RAB8B: variants seen among roughly 807,000 people sequenced by gnomAD.
RAB8B encodes ras-related protein Rab-8B.
Under a neutral mutation model 32.0 loss-of-function variants are expected in RAB8B, and 11 were observed. That is an observed-to-expected ratio of 0.34 (90% CI 0.22 to 0.57). RAB8B has a LOEUF of 0.57. RAB8B is among the 20% of genes least tolerant of loss of function. The pLI is 0.86. For synonymous variants in RAB8B, 103 were observed against 89.6 expected (o/e 1.15, Z -0.85); for missense variants, 190 against 258.5 (o/e 0.73, Z 1.82).
At chr15:63,195,087 A>T (rs545446482) in intron 1 of RAB8B, among the ~76,000 whole-genome samples, 127 of 152,326 alleles carry the variant, frequency 8.3e-4, no homozygotes, top group Middle Eastern at 3.4e-3. Flanking sequence ...TTTCATTTTC[A>T]TAGTTGTTTT....
intron 2 of RAB8B, among the ~76,000 whole-genome samples, chr15:63,245,822 T>G (rs2038066198): frequency 6.6e-6 from 1 of 152,242 alleles, no homozygotes; most frequent in South Asian, 2.1e-4. Context: ...TCATTTATGT[T>G]TCATATACAG....
chr15:63,238,058 A>G (rs1440172835), intron 1 of RAB8B, among the ~76,000 whole-genome samples: 3 of 151,804 alleles, frequency 2.0e-5, no homozygotes, highest in Non-Finnish European at 4.4e-5. Context: ...ATATAGATTT[A>G]TCTCTGGGTT....
intron 1 of RAB8B, among the ~76,000 whole-genome samples, chr15:63,207,402 C>T (rs569288999): frequency 6.6e-6 from 1 of 152,256 alleles, no homozygotes; most frequent in Admixed American, 6.5e-5. Context: ...CTCTCAGACT[C>T]CTCTGTGTGC....
At chr15:63,199,688 T>C (rs1442630616) in intron 1 of RAB8B, among the ~76,000 whole-genome samples, 1 of 152,158 alleles carries the variant, frequency 6.6e-6, no homozygotes, top group East Asian at 1.9e-4. Flanking sequence ...TGTGGGCTTT[T>C]TTTGAGACTT....
intron 1 of RAB8B, among the ~76,000 whole-genome samples, chr15:63,240,865 T>A (rs912997694): frequency 6.8e-6 from 1 of 146,354 alleles, no homozygotes; most frequent in Non-Finnish European, 1.5e-5. Flanking sequence ...TTTAAATGAA[T>A]GGAGAGTGAG....
chr15:63,231,840 T>G (rs1351648050), intron 1 of RAB8B, among the ~76,000 whole-genome samples: 1 of 152,202 alleles, frequency 6.6e-6, no homozygotes, highest in Non-Finnish European at 1.5e-5. Context: ...GAAAAGAGAC[T>G]TTATTGAAGG....
chr15:63,213,908 C>G (rs2037768552), intron 1 of RAB8B, among the ~76,000 whole-genome samples: 1 of 152,104 alleles, frequency 6.6e-6, no homozygotes, highest in African/African-American at 2.4e-5. Flanking sequence ...TGGTGAAACC[C>G]CTACTCTAAT....
At chr15:63,233,947 T>C (rs549148280) in intron 1 of RAB8B, among the ~76,000 whole-genome samples, 40 of 152,206 alleles carry the variant, frequency 2.6e-4, no homozygotes, top group Non-Finnish European at 4.9e-4. Flanking sequence ...TTATGATTCA[T>C]TGAAAGGCTG....
Position 63,237,847 on chromosome 15 carries a change from T to C in RAB8B, c.125-6909T>C, listed in dbSNP as rs764025055. ...GGAGAGTTTCCCCAATGTTTTCTTTTAGTAGTTTCATAGTTTGAAGTCTTA... is the reference window on the plus strand; with the variant it reads ...GGAGAGTTTCCCCAATGTTTTCTTTCAGTAGTTTCATAGTTTGAAGTCTTA... On this transcript the variant is annotated intron_variant, in intron 1 of 7. Coordinates refer to ENST00000321437, the MANE Select transcript of RAB8B (RefSeq NM_016530.3). 3.9e-5 allele frequency among the ~76,000 whole-genome samples: 6 copies of C among 152,338 alleles called. No homozygotes were observed. In the East Asian group the frequency reaches 7.7e-4, roughly 20 times the overall value.
At chr15:63,227,572 T>G (rs1045363952) in intron 1 of RAB8B, among the ~76,000 whole-genome samples, 11 of 152,230 alleles carry the variant, frequency 7.2e-5, no homozygotes, top group Admixed American at 2.0e-4. Flanking sequence ...CAATTTTGTT[T>G]TATTTAGTTT....
rs1327118174 is a variant in RAB8B at position 63,259,292 on chromosome 15, TG to T, written c.415-334del. Among the ~76,000 whole-genome samples, 1 of 151,878 alleles carries T rather than the reference TG, an allele frequency of 6.6e-6. No homozygotes were observed. Among genetic ancestry groups the T allele is most frequent in the African/African-American group, 2.4e-5 (1 of 41,336 alleles). ...GTGCCACCACGCCCGGCTAATTTTT[TG>T]TATTTTTAGTAGAGGCGGGGTTTCA... On this transcript the variant is annotated intron_variant, in intron 5 of 7. Coordinates refer to ENST00000321437, the MANE Select transcript of RAB8B (RefSeq NM_016530.3). This position sits in a 1 kb window ranked among gnomAD's most constrained non-coding sequence, Gnocchi z 4.4.
At position 63,255,488 on chromosome 15, in the gene RAB8B, A is replaced by T. The variant is rs200643135; in HGVS notation, c.247-19A>T. ...TAAATATATAAAGTACTAAATAAAGATATTTTTCCCCCTTATAGGGCATTA... is the reference window on the plus strand; with the variant it reads ...TAAATATATAAAGTACTAAATAAAGTTATTTTTCCCCCTTATAGGGCATTA... On this transcript the variant is annotated intron_variant, in intron 3 of 7. Coordinates refer to ENST00000321437, the MANE Select transcript of RAB8B (RefSeq NM_016530.3). 8.5e-4 allele frequency: 1,287 copies of T among 1,518,860 alleles called. No homozygotes were observed. The highest frequency in any genetic ancestry group is 1.3e-3 in the Admixed American group (74 of 59,136). The allele number at this position is 1,518,860 out of a possible 1,614,324, so 94.1% of individuals were successfully genotyped here.
chr15:63,189,747 C>T lies in RAB8B; in HGVS notation c.123C>T (p.Ile41=), dbSNP rs749381235. Residue 41 remains isoleucine (I), a splice_region_variant and synonymous_variant, in exon 1 of 8, where the codon ATC becomes ATT. Coordinates refer to ENST00000321437, the MANE Select transcript of RAB8B (RefSeq NM_016530.3). The stretch of plus-strand genomic sequence containing the variant: ...TCAACACCACCTTCATCTCCACCAT[C>T]GGTGAGGGAGGGGCCGCGGCCCGGG... ...DAFNTTFIST[I]GIDFKIRTIE... 3.4e-6 allele frequency: 5 copies of T among 1,486,104 alleles called. 1 individual carries two copies. Among genetic ancestry groups the T allele is most frequent in the South Asian group, 2.3e-5 (2 of 87,390 alleles). The allele number at this position is 1,486,104 out of a possible 1,614,324, so 92.1% of individuals were successfully genotyped here. A position where few individuals can be genotyped will look rare whatever the true frequency, so the allele number is the denominator to read the frequency against.
At chr15:63,203,030 T>G (rs903586878) in intron 1 of RAB8B, among the ~76,000 whole-genome samples, 7 of 152,164 alleles carry the variant, frequency 4.6e-5, no homozygotes, top group Non-Finnish European at 1.0e-4. Context: ...CCAAAAAGAT[T>G]AGGAGCAGGG....
intron 1 of RAB8B, among the ~76,000 whole-genome samples, chr15:63,231,978 T>C (rs111802864): frequency 5.9e-5 from 9 of 152,340 alleles, no homozygotes; most frequent in African/African-American, 2.2e-4. Flanking sequence ...CAAAAGAGAC[T>C]TGTCATGAAG....
chr15:63,257,543 A>G (rs920302826), intron 5 of RAB8B, among the ~76,000 whole-genome samples: 38 of 152,230 alleles, frequency 2.5e-4, no homozygotes, highest in African/African-American at 8.2e-4. Context: ...CTGGGATTAC[A>G]GGTGTGAGGC....
intron 3 of RAB8B, among the ~76,000 whole-genome samples, chr15:63,254,177 C>G (rs2038141475): frequency 6.6e-6 from 1 of 152,158 alleles, no homozygotes; most frequent in Non-Finnish European, 1.5e-5. Flanking sequence ...ACCTGGGCTT[C>G]CCCTCTTCAC....
chr15:63,228,620 A>G (rs186997977), intron 1 of RAB8B, among the ~76,000 whole-genome samples: 16 of 152,372 alleles, frequency 1.1e-4, no homozygotes, highest in Non-Finnish European at 1.9e-4. Flanking sequence ...TATTAGAGAA[A>G]GAGGAACATA....
chr15:63,225,702 T>C (rs74760834), intron 1 of RAB8B, among the ~76,000 whole-genome samples: 1,703 of 152,318 alleles, frequency 0.011, 13 homozygotes, highest in Middle Eastern at 0.044. Flanking sequence ...TAGGAGCTCC[T>C]TGAGACTCAT....
Sources: gnomAD v4.1 joint callset for allele counts (sites outside exome capture counted in the v4.1 genomes callset) on GRCh38, gnomAD v4.1.1 for gene constraint, Gnocchi (gnomAD v3.1) non-coding constraint, MANE v1.5 for transcripts, NCBI Gene and HGNC (gene_info 2026-07-23, HGNC 2026-07-21) for gene names.